The following FBXL2 variants were observed in gnomAD, a reference collection of about 807,000 sequenced individuals.
The protein encoded by FBXL2 is F-box and leucine rich repeat protein 2.
Under a neutral mutation model 69.2 loss-of-function variants are expected in FBXL2, and 38 were observed. That is an observed-to-expected ratio of 0.55 (90% CI 0.42 to 0.72). The LOEUF is 0.72. FBXL2 is among the 30% of genes least tolerant of loss of function. The probability of loss-of-function intolerance (pLI) is 0.00; values close to 1 mark genes in which losing one functional copy is unlikely to be tolerated. For missense variants in FBXL2, 354 were observed against 520.3 expected, an observed-to-expected ratio of 0.68 and a Z score of 3.11; for synonymous variants, 192 against 201.3, an observed-to-expected ratio of 0.95 and a Z score of 0.39.
At chr3:33,287,109 T>C (rs2034715427) in intron 1 of FBXL2, among the ~76,000 whole-genome samples, 1 of 152,212 alleles carries the variant, frequency 6.6e-6, no homozygotes, top group South Asian at 2.1e-4. Context: ...TCGCTCACGC[T>C]GGGAGCTATA....
downstream of FBXL2, chr3:33,392,845 C>T: frequency 4.6e-6 from 2 of 437,028 alleles, no homozygotes. Context: ...CCCATGTGAC[C>T]CACAGGGGCA....
chr3:33,390,451 A>C, downstream of FBXL2: 1 of 1,430,774 alleles, frequency 7.0e-7, no homozygotes. Flanking sequence ...TGCCAACTAC[A>C]ACCTCCCTTC....
intron 4 of FBXL2, among the ~76,000 whole-genome samples, chr3:33,363,665 T>A (rs1026703276): frequency 6.6e-6 from 1 of 152,190 alleles, no homozygotes; most frequent in Non-Finnish European, 1.5e-5. Flanking sequence ...CTGACATAAA[T>A]CACAGGGCAT....
chr3:33,319,671 T>A (rs1271679256), intron 2 of FBXL2, among the ~76,000 whole-genome samples: 1 of 152,232 alleles, frequency 6.6e-6, no homozygotes, highest in Admixed American at 6.5e-5. Context: ...TGTATTTTAA[T>A]GTATGAGTTA....
chr3:33,323,397 G>A (rs1317593341), intron 2 of FBXL2, among the ~76,000 whole-genome samples: 3 of 152,098 alleles, frequency 2.0e-5, no homozygotes, highest in Admixed American at 6.6e-5. Flanking sequence ...TGCCATGGTG[G>A]TTTGCTGCAC....
intron 2 of FBXL2, among the ~76,000 whole-genome samples, chr3:33,330,602 CAT>C (rs1331071152): frequency 6.6e-6 from 1 of 151,928 alleles, no homozygotes; most frequent in Non-Finnish European, 1.5e-5. Context: ...TAAAATACGA[CAT>C]GTGGCGGGTG....
chr3:33,337,342 T>C (rs975830968), intron 2 of FBXL2, among the ~76,000 whole-genome samples: 46 of 152,104 alleles, frequency 3.0e-4, no homozygotes, highest in Non-Finnish European at 1.9e-4. Flanking sequence ...TTTAAAAAAA[T>C]GAGTGCTTCA....
intron 13 of FBXL2, among the ~76,000 whole-genome samples, chr3:33,380,223 C>CAAAA (rs71632598): frequency 1.4e-5 from 1 of 69,230 alleles, no homozygotes; most frequent in Admixed American, 1.6e-4. Context: ...GACTCTGTCT[C>CAAAA]AAAAAAAAAA....
intron 8 of FBXL2, 46 bp from the exon 9 acceptor site, chr3:33,373,801 C>G (rs773115623): frequency 2.5e-6 from 4 of 1,613,070 alleles, no homozygotes; most frequent in African/African-American, 1.3e-5. Context: ...TCCCACTGTT[C>G]CCTCACCTGG....
intron 12 of FBXL2, 58 bp downstream of exon 12, chr3:33,378,205 G>C (rs2042772301): frequency 6.6e-7 from 1 of 1,513,708 alleles, no homozygotes; most frequent in Non-Finnish European, 9.2e-7. Flanking sequence ...TTGCTGGCCA[G>C]TGCAGCACAG....
At chr3:33,306,548 A>G (rs1310390276) in intron 2 of FBXL2, among the ~76,000 whole-genome samples, 1 of 152,154 alleles carries the variant, frequency 6.6e-6, no homozygotes, top group Non-Finnish European at 1.5e-5. Flanking sequence ...TTGAAGTCTC[A>G]GTTAATCTGC....
intron 2 of FBXL2, among the ~76,000 whole-genome samples, chr3:33,337,097 C>T (rs1390492201): frequency 6.6e-6 from 1 of 151,876 alleles, no homozygotes; most frequent in African/African-American, 2.4e-5. Flanking sequence ...CCCAGCTACT[C>T]GGGAGGCTGA....
chr3:33,363,472 G>A (rs2041765614), intron 4 of FBXL2, among the ~76,000 whole-genome samples: 1 of 152,198 alleles, frequency 6.6e-6, no homozygotes, highest in African/African-American at 2.4e-5. Flanking sequence ...CTCCCTTGTG[G>A]AGGTAGAGGT....
intron 4 of FBXL2, among the ~76,000 whole-genome samples, chr3:33,362,451 C>T (rs111470248): frequency 0.014 from 2,117 of 152,302 alleles, 21 homozygotes; most frequent in South Asian, 0.027. Context: ...CACAGAGTCA[C>T]TGGCTTGAAT....
chr3:33,297,085 A>G (rs975994938), intron 1 of FBXL2, among the ~76,000 whole-genome samples: 1 of 152,136 alleles, frequency 6.6e-6, no homozygotes, highest in Non-Finnish European at 1.5e-5. Context: ...GTATTGTATA[A>G]GTTTTCAATA....
chr3:33,373,921 A>G lies in FBXL2; in HGVS notation c.657A>G (p.Ser219=), dbSNP rs1267687721. 6.2e-7 allele frequency: 1 copy of G among 1,614,150 alleles called. No individual in the cohort carries two copies. Among genetic ancestry groups the G allele is most frequent in the East Asian group, 2.2e-5 (1 of 44,888 alleles). ...ELVSLNLQSC[S]RITDEGVVQI... ...TGAGCCTCAACTTGCAGTCCTGCTC[A>G]GTAAGTAGCGTGCCTTTCCTGAACA... Residue 219 remains serine (S), a splice_region_variant and synonymous_variant, in exon 9 of 15, where the codon TCA becomes TCG. Transcript: ENST00000484457.
intron 2 of FBXL2, among the ~76,000 whole-genome samples, chr3:33,330,904 C>T (rs1393703101): frequency 6.7e-6 from 1 of 149,018 alleles, no homozygotes; most frequent in Non-Finnish European, 1.5e-5. Context: ...CACAAACACA[C>T]ACACACACAA....
At chr3:33,318,130 T>C (rs2037873252) in intron 2 of FBXL2, among the ~76,000 whole-genome samples, 2 of 152,188 alleles carry the variant, frequency 1.3e-5, no homozygotes, top group Admixed American at 1.3e-4. Flanking sequence ...TGTTTTGTTT[T>C]GTTTCCTGTT....
the FBXL2 span, among the ~76,000 whole-genome samples, chr3:33,414,848 T>G: frequency 1.5e-4 from 23 of 152,286 alleles, no homozygotes; most frequent in Admixed American, 9.8e-4. Context: ...GCTAAATATT[T>G]AGATACTGAT....
Sources: gnomAD v4.1 joint callset for allele counts (sites outside exome capture counted in the v4.1 genomes callset) on GRCh38, gnomAD v4.1.1 for gene constraint, MANE v1.5 for transcripts, NCBI Gene and HGNC (gene_info 2026-07-23, HGNC 2026-07-21) for gene names.